Variants in MACROD2 observed in about 807,000 individuals in gnomAD.
MACROD2 encodes the protein ADP-ribose glycohydrolase MACROD2.
In MACROD2, 36 loss-of-function variants were observed where a neutral mutation model predicts 70.4. The observed-to-expected ratio is 0.51, with a 90% confidence interval of 0.39 to 0.68. The LOEUF (loss-of-function observed/expected upper bound fraction) is 0.68, where lower values mean the gene tolerates loss of function less well. MACROD2 is among the 30% of genes least tolerant of loss of function. The pLI is 0.00. For missense variants in MACROD2, 496 were observed against 538.4 expected (o/e 0.92, Z 0.78); for synonymous variants, 172 against 178.8 (o/e 0.96, Z 0.30).
chr20:14,833,549 T>C (rs1418985044), intron 5 of MACROD2, among the ~76,000 whole-genome samples: 1 of 152,136 alleles, frequency 6.6e-6, no homozygotes, highest in African/African-American at 2.4e-5. Flanking sequence ...GAAACGTAAT[T>C]CTGGTAATAA....
chr20:14,008,791 A>G (rs1040944889), intron 2 of MACROD2, among the ~76,000 whole-genome samples: 1 of 152,220 alleles, frequency 6.6e-6, no homozygotes, highest in Admixed American at 6.5e-5. Flanking sequence ...GGAACAGAAT[A>G]GAAAACCCAG....
chr20:14,706,147 C>T (rs931933852), intron 5 of MACROD2, among the ~76,000 whole-genome samples: 2 of 151,984 alleles, frequency 1.3e-5, no homozygotes, highest in African/African-American at 4.8e-5. Context: ...AACCCCGTCT[C>T]TACTAAAAAT....
At chr20:14,018,435 A>G (rs2053023308) in intron 2 of MACROD2, among the ~76,000 whole-genome samples, 1 of 151,928 alleles carries the variant, frequency 6.6e-6, no homozygotes, top group Admixed American at 6.6e-5. Context: ...CACTGTTTTC[A>G]CTGCATGCTC....
At chr20:14,996,782 T>A (rs2074953441) in intron 5 of MACROD2, among the ~76,000 whole-genome samples, 1 of 152,174 alleles carries the variant, frequency 6.6e-6, no homozygotes, top group African/African-American at 2.4e-5. Flanking sequence ...ATTCAGCCAG[T>A]GCCCATGGAG....
chr20:14,644,575 C>G (rs1985277340), intron 4 of MACROD2, among the ~76,000 whole-genome samples: 1 of 152,088 alleles, frequency 6.6e-6, no homozygotes, highest in Non-Finnish European at 1.5e-5. Context: ...TTTGCCAAAA[C>G]TCTCTGGATA....
chr20:15,686,663 A>G (rs1391901321), intron 8 of MACROD2, among the ~76,000 whole-genome samples: 1 of 152,146 alleles, frequency 6.6e-6, no homozygotes, highest in Non-Finnish European at 1.5e-5. Context: ...ACATGAGACC[A>G]GGAGTTCGAG....
rs2076902906 is a variant in MACROD2, at chr20:15,226,008, A to G, written c.419-3932A>G. Among the ~76,000 whole-genome samples, 4 of 152,348 alleles carry G rather than the reference A, an allele frequency of 2.6e-5. No homozygotes were observed. The South Asian group carries it at 8.3e-4, about 32-fold the overall frequency. On this transcript the variant is annotated intron_variant, in intron 5 of 17. Coordinates refer to ENST00000684519, the MANE Select transcript of MACROD2 (RefSeq NM_001351661.2). Reference sequence around the variant, plus strand: ...ACTTCGCTGTATAATCGTGTTTGGGAAACGTGAACCATGATTGATGCTCAT... The same window carrying G: ...ACTTCGCTGTATAATCGTGTTTGGGGAACGTGAACCATGATTGATGCTCAT...
intron 3 of MACROD2, among the ~76,000 whole-genome samples, chr20:14,410,505 G>A (rs1453684467): frequency 2.6e-5 from 4 of 152,056 alleles, no homozygotes; most frequent in East Asian, 3.9e-4. Flanking sequence ...GTGTTAATGC[G>A]TTTAGGATGA....
intron 8 of MACROD2, among the ~76,000 whole-genome samples, chr20:15,544,409 A>G (rs1287374269): frequency 6.6e-6 from 1 of 152,228 alleles, no homozygotes; most frequent in Non-Finnish European, 1.5e-5. Flanking sequence ...TTGAACAGCT[A>G]GGATGAGGAG....
At chr20:14,887,604 T>C (rs1181347117) in intron 5 of MACROD2, among the ~76,000 whole-genome samples, 2 of 151,922 alleles carry the variant, frequency 1.3e-5, no homozygotes, top group Non-Finnish European at 2.9e-5. Context: ...CCCAGGCTGG[T>C]CTCAAACTCC....
At chr20:14,475,207 T>C (rs2084577085) in intron 3 of MACROD2, among the ~76,000 whole-genome samples, 1 of 152,086 alleles carries the variant, frequency 6.6e-6, no homozygotes, top group Non-Finnish European at 1.5e-5. Flanking sequence ...TGATAACAAC[T>C]TACCTTAAAA....
chr20:14,828,072 T>C (rs6110441), intron 5 of MACROD2, among the ~76,000 whole-genome samples: 3,468 of 152,212 alleles, frequency 0.023, 92 homozygotes, highest in East Asian at 0.11. Context: ...AAAGATGATA[T>C]ATACCAATTA....
At chr20:14,750,825 T>A (rs1336639325) in intron 5 of MACROD2, among the ~76,000 whole-genome samples, 6 of 152,098 alleles carry the variant, frequency 3.9e-5, no homozygotes. Context: ...CTGGTTATAT[T>A]ATCTTTATAA....
At chr20:16,028,954 A>G (rs2067117461) in intron 15 of MACROD2, among the ~76,000 whole-genome samples, 1 of 152,196 alleles carries the variant, frequency 6.6e-6, no homozygotes, top group South Asian at 2.1e-4. Flanking sequence ...AAAATACCTT[A>G]GGCTGGGGCG....
intron 3 of MACROD2, among the ~76,000 whole-genome samples, chr20:14,105,885 G>A (rs2054361955): frequency 6.6e-6 from 1 of 152,142 alleles, no homozygotes. Flanking sequence ...AAGAGAACCT[G>A]CGGCCTTGAA....
rs752164308 is a variant in MACROD2 at position 14,686,457 on chromosome 20, A to C, written c.418+1498A>C. ...TGTGGAATTTTCCACTTGTGGCATC[A>C]TGTTGGCACACAAAGTTTTAGATTT... is the stretch of plus-strand genomic sequence containing the variant. On this transcript the variant is annotated intron_variant, in intron 5 of 17. Coordinates refer to ENST00000684519, the MANE Select transcript of MACROD2 (RefSeq NM_001351661.2). Among the ~76,000 whole-genome samples, 182 of 152,324 alleles carry C rather than the reference A, an allele frequency of 1.2e-3. 1 individual carries two copies. Among genetic ancestry groups the C allele is most frequent in the Non-Finnish European group, 2.1e-3 (143 of 68,008 alleles).
intron 8 of MACROD2, among the ~76,000 whole-genome samples, chr20:15,715,412 C>T (rs1483102178): frequency 2.0e-5 from 3 of 152,178 alleles, no homozygotes; most frequent in African/African-American, 7.2e-5. Flanking sequence ...AATGTAAACA[C>T]ATTAATGCAA....
At chr20:14,786,483 CTCTT>C (rs1377822016) in intron 5 of MACROD2, among the ~76,000 whole-genome samples, 1 of 151,692 alleles carries the variant, frequency 6.6e-6, no homozygotes, top group Admixed American at 6.6e-5. Context: ...CCAAAGTTGT[CTCTT>C]TGTGCATTCT....
intron 5 of MACROD2, among the ~76,000 whole-genome samples, chr20:14,881,854 C>A (rs553599482): frequency 6.6e-6 from 1 of 152,216 alleles, no homozygotes; most frequent in African/African-American, 2.4e-5. Flanking sequence ...CAAGTCCCTG[C>A]TACCTAGGTT....
Sources: gnomAD v4.1 joint callset for allele counts (sites outside exome capture counted in the v4.1 genomes callset) on GRCh38, gnomAD v4.1.1 for gene constraint, MANE v1.5 for transcripts, NCBI Gene and HGNC (gene_info 2026-07-23, HGNC 2026-07-21) for gene names.